RALA: variants seen among roughly 807,000 people sequenced by gnomAD.
The protein encoded by RALA is RAS like proto-oncogene A.
RALA carries 5 observed loss-of-function variants against 24.0 expected under a neutral mutation model. The observed-to-expected ratio is 0.21, with a 90% CI of 0.11 to 0.44. RALA has a LOEUF of 0.44. Ranked by LOEUF, RALA falls within the 20% of genes least tolerant of loss-of-function variation. The pLI is 0.99. For missense variants in RALA, 95 were observed against 241.2 expected (o/e 0.39, Z 4.01); for synonymous variants, 77 against 83.8 (o/e 0.92, Z 0.44).
chr7:39,633,770 G>A (rs1345043609), intron 1 of RALA, among the ~76,000 whole-genome samples: 2 of 152,116 alleles, frequency 1.3e-5, no homozygotes, highest in Non-Finnish European at 2.9e-5. Flanking sequence ...TTATTTATGC[G>A]AATCCACTCA....
chr7:39,694,507 T>G (rs1448777985), intron 3 of RALA, among the ~76,000 whole-genome samples: 1 of 152,174 alleles, frequency 6.6e-6, no homozygotes, highest in Admixed American at 6.5e-5. Context: ...TCTGTGTGCA[T>G]CAGTTTCCTC....
Position 39,706,560 on chromosome 7 carries a change from G to A in RALA, c.*315G>A. 5.1e-6 allele frequency: 1 copy of A among 195,202 alleles called. No homozygotes were observed. Among genetic ancestry groups the A allele is most frequent in the Non-Finnish European group, 1.0e-5 (1 of 96,924 alleles). The allele number at this position is 195,202 out of a possible 1,614,324, so 12.1% of individuals were successfully genotyped here. ...GAGGTGAAATGGGGGTGGGGAGTGG[G>A]AGGAAAGGTGACTTCCTCTGGTGTT... On this transcript the variant is annotated 3_prime_UTR_variant, in exon 5 of 5. Transcript: ENST00000005257.
intron 1 of RALA, among the ~76,000 whole-genome samples, chr7:39,660,644 C>A (rs947013164): frequency 6.6e-6 from 1 of 151,904 alleles, no homozygotes; most frequent in Admixed American, 6.6e-5. Flanking sequence ...ATACAGTTGA[C>A]CCTTGAACAA....
chr7:39,659,738 T>A lies in RALA; in HGVS notation c.-37-26893T>A, dbSNP rs942799938. On this transcript the variant is annotated intron_variant, in intron 1 of 4. Coordinates refer to ENST00000005257, the MANE Select transcript of RALA (RefSeq NM_005402.4). ...TGAGCAAAAGTTGTCTGTTAATTCA[T>A]TGGCCACTGCAGAAAGGAGTACTAA... is the stretch of plus-strand genomic sequence containing the variant. Among the ~76,000 whole-genome samples, 3 of 152,324 alleles carry A rather than the reference T, an allele frequency of 2.0e-5. No homozygotes were observed. In the South Asian group the frequency reaches 6.2e-4, roughly 32 times the overall value.
intron 1 of RALA, among the ~76,000 whole-genome samples, chr7:39,657,571 A>T (rs1019314828): frequency 3.3e-5 from 5 of 152,168 alleles, no homozygotes; most frequent in Non-Finnish European, 5.9e-5. Flanking sequence ...TCTAAACATT[A>T]TCTTTTTGGT....
chr7:39,661,956 A>C (rs1792199661), intron 1 of RALA, among the ~76,000 whole-genome samples: 1 of 152,216 alleles, frequency 6.6e-6, no homozygotes, highest in Admixed American at 6.5e-5. Flanking sequence ...AGAGGTTCCC[A>C]AACCTCAGTT....
At chr7:39,678,361 A>G (rs1188135811) in intron 1 of RALA, among the ~76,000 whole-genome samples, 1 of 152,216 alleles carries the variant, frequency 6.6e-6, no homozygotes. Flanking sequence ...AGGATTCCAT[A>G]GCCTCAGCAC....
At position 39,690,605 on chromosome 7, in the gene RALA, A is replaced by T; in HGVS notation, c.323+15A>T. On this transcript the variant is annotated intron_variant, in intron 3 of 4. Transcript: ENST00000005257. ...GCTGACTTCAGGTATGTCCTAGAGT[A>T]ATGTTGTTGCTTGTGACATACTATA... 1 of 1,573,132 alleles carries T rather than the reference A, an allele frequency of 6.4e-7. No homozygotes were observed. The highest frequency in any genetic ancestry group is 8.7e-7 in the Non-Finnish European group (1 of 1,149,490).
intron 1 of RALA, among the ~76,000 whole-genome samples, chr7:39,646,359 GCA>G (rs1437020554): frequency 6.6e-6 from 1 of 152,088 alleles, no homozygotes; most frequent in Non-Finnish European, 1.5e-5. Context: ...AACAGACTGG[GCA>G]CAGTGGCTCA....
At chr7:39,665,841 G>A (rs1475078262) in intron 1 of RALA, among the ~76,000 whole-genome samples, 1 of 151,966 alleles carries the variant, frequency 6.6e-6, no homozygotes, top group Non-Finnish European at 1.5e-5. Flanking sequence ...AAACACTTAG[G>A]ATGTGAATTT....
At chr7:39,690,791 C>T (rs1370288326) in intron 3 of RALA, among the ~76,000 whole-genome samples, 1 of 152,198 alleles carries the variant, frequency 6.6e-6, no homozygotes, top group African/African-American at 2.4e-5. Context: ...AGTCTTACAG[C>T]TCTCCCGGTG....
At chr7:39,697,113 C>A (rs1336427180) in intron 4 of RALA, among the ~76,000 whole-genome samples, 4 of 152,120 alleles carry the variant, frequency 2.6e-5, no homozygotes, top group African/African-American at 9.7e-5. Flanking sequence ...GATGGCATTC[C>A]TGACTTTTTT....
rs567438331 is a variant in RALA at position 39,707,063 on chromosome 7, C to G, written c.*818C>G. On this transcript the variant is annotated 3_prime_UTR_variant, in exon 5 of 5. Transcript: ENST00000005257. ...AAATAAGATTCCAGAGCTCTTTGAT[C>G]GCTTTTAATAAACTGCAAGTTCATT... The G allele has an allele frequency of 6.6e-6, 1 of 152,560 alleles. No individual in the cohort carries two copies. Among genetic ancestry groups the G allele is most frequent in the Non-Finnish European group, 1.5e-5 (1 of 68,034 alleles). The allele number at this position is 152,560 out of a possible 1,614,324, so 9.5% of individuals were successfully genotyped here.
chr7:39,662,261 T>C (rs1303421089), intron 1 of RALA, among the ~76,000 whole-genome samples: 1 of 152,134 alleles, frequency 6.6e-6, no homozygotes, highest in East Asian at 1.9e-4. Flanking sequence ...TCTTGGTGAT[T>C]AACATTGGGC....
At chr7:39,676,165 C>G (rs941520354) in intron 1 of RALA, among the ~76,000 whole-genome samples, 1 of 152,012 alleles carries the variant, frequency 6.6e-6, no homozygotes, top group Non-Finnish European at 1.5e-5. Flanking sequence ...TTAGTAGATA[C>G]GGGGTTCCAC....
chr7:39,689,414 G>T (rs991982979), intron 2 of RALA, among the ~76,000 whole-genome samples: 2 of 152,184 alleles, frequency 1.3e-5, no homozygotes, highest in African/African-American at 4.8e-5. Flanking sequence ...TATTTATTGA[G>T]TATCTCCCAT....
intron 1 of RALA, among the ~76,000 whole-genome samples, chr7:39,643,728 C>T (rs1791878142): frequency 1.3e-5 from 2 of 152,130 alleles, no homozygotes; most frequent in Non-Finnish European, 1.5e-5. Context: ...TCGTGGCGCA[C>T]GCCTGTAATC....
intron 1 of RALA, among the ~76,000 whole-genome samples, chr7:39,639,364 A>T (rs1382027012): frequency 6.6e-6 from 1 of 152,226 alleles, no homozygotes; most frequent in Non-Finnish European, 1.5e-5. Flanking sequence ...AAATCTTTAC[A>T]AAGTGAAAAT....
chr7:39,685,030 AG>A lies in RALA; in HGVS notation c.-37-1600del, dbSNP rs1279798198. Among the ~76,000 whole-genome samples, 574 of 152,246 alleles carry A rather than the reference AG, an allele frequency of 3.8e-3. 3 individuals are homozygous for A. Among genetic ancestry groups the A allele is most frequent in the African/African-American group, 0.013 (557 of 41,570 alleles). ...ACTTATACTATTAAGTTGGTGCAAA[AG>A]TAATTGCGGTTTTGCCATTGAAAGT... On this transcript the variant is annotated intron_variant, in intron 1 of 4. Transcript: ENST00000005257.
Sources: allele counts gnomAD v4.1 joint callset (sites outside exome capture counted in the v4.1 genomes callset), GRCh38; gene constraint gnomAD v4.1.1; transcripts MANE v1.5; gene names NCBI Gene and HGNC (gene_info 2026-07-23, HGNC 2026-07-21).